The following TOP6BL variants were observed in gnomAD, a reference collection of about 807,000 sequenced individuals.
TOP6BL encodes TOP6B like initiator of meiotic double strand breaks.
chr11:66,760,625 CAAAAAAAAAA>C, the TOP6BL span, among the ~76,000 whole-genome samples: 6 of 54,144 alleles, frequency 1.1e-4, no homozygotes, highest in East Asian at 1.1e-3. Context: ...CCCATCTTTA[CAAAAAAAAAA>C]AAAAAAAAAA....
the TOP6BL span, chr11:66,758,342 C>G: frequency 9.8e-6 from 1 of 102,026 alleles, no homozygotes; most frequent in East Asian, 3.8e-4. Context: ...GACGGAGTCT[C>G]GCTCTGTCGC....
chr11:66,767,386 T>G, the TOP6BL span, among the ~76,000 whole-genome samples: 1 of 152,206 alleles, frequency 6.6e-6, no homozygotes, highest in African/African-American at 2.4e-5. Context: ...TTTGCTCAGC[T>G]CTGCTTCCTA....
chr11:66,758,302 C>CTTCTTTTT, the TOP6BL span: 1 of 67,318 alleles, frequency 1.5e-5, no homozygotes, highest in Admixed American at 2.2e-4. Flanking sequence ...TTTTCTTTTT[C>CTTCTTTTT]TTTTTTTTTT....
At chr11:66,838,318 C>A in the TOP6BL span, 1 of 1,536,014 alleles carries the variant, frequency 6.5e-7, no homozygotes, top group Non-Finnish European at 9.0e-7. Context: ...TTCACTAGGG[C>A]TCGTTCATGT....
the TOP6BL span, chr11:66,744,926 C>T: frequency 1.6e-6 from 2 of 1,253,480 alleles, no homozygotes; most frequent in Non-Finnish European, 2.0e-6. Flanking sequence ...CGAGGTGATG[C>T]TGGGAAGGGA....
At chr11:66,750,649 A>C in the TOP6BL span, among the ~76,000 whole-genome samples, 1 of 151,802 alleles carries the variant, frequency 6.6e-6, no homozygotes, top group African/African-American at 2.4e-5. Flanking sequence ...AACTCTGTTA[A>C]TTGATTATTT....
chr11:66,822,426 G>A, the TOP6BL span: 1 of 618,056 alleles, frequency 1.6e-6, no homozygotes, highest in Non-Finnish European at 2.9e-6. Context: ...AAATATGTGA[G>A]GATCTCAGTA....
the TOP6BL span, chr11:66,822,571 A>AG: frequency 1.3e-6 from 2 of 1,549,284 alleles, no homozygotes; most frequent in Non-Finnish European, 1.7e-6. Flanking sequence ...CAGGCTCAGC[A>AG]GAAACTACAG....
At chr11:66,750,799 A>G in the TOP6BL span, among the ~76,000 whole-genome samples, 1 of 151,688 alleles carries the variant, frequency 6.6e-6, no homozygotes, top group Non-Finnish European at 1.5e-5. Context: ...GCCTGGGCTC[A>G]AATGATCCTC....
At chr11:66,816,165 C>T in the TOP6BL span, 5 of 1,609,044 alleles carry the variant, frequency 3.1e-6, no homozygotes, top group Admixed American at 3.4e-5. Context: ...TGGATTTCCA[C>T]AGTGCATTTC....
At chr11:66,843,138 G>T in the TOP6BL span, 365 of 1,608,744 alleles carry the variant, frequency 2.3e-4, no homozygotes, top group Middle Eastern at 3.6e-4. Flanking sequence ...CTGCTGAGAG[G>T]TCCTCACCCC....
chr11:66,816,948 G>A, the TOP6BL span, among the ~76,000 whole-genome samples: 1 of 152,000 alleles, frequency 6.6e-6, no homozygotes, highest in Non-Finnish European at 1.5e-5. Flanking sequence ...GCAGCCAGGA[G>A]TTCAAGGCCA....
chr11:66,761,573 C>T, the TOP6BL span: 2 of 1,134,860 alleles, frequency 1.8e-6, no homozygotes. Flanking sequence ...TGTCTGTCTG[C>T]TCTACTGGCT....
chr11:66,843,116 G>A, the TOP6BL span: 1 of 1,601,540 alleles, frequency 6.2e-7, no homozygotes. Context: ...AGGAGGTGCA[G>A]GCCACGGGCC....
the TOP6BL span, among the ~76,000 whole-genome samples, chr11:66,761,412 AATG>A: frequency 6.6e-6 from 1 of 152,144 alleles, no homozygotes; most frequent in Non-Finnish European, 1.5e-5. Flanking sequence ...AAAAGAAAAA[AATG>A]ATAATAAATG....
At chr11:66,765,995 G>T in the TOP6BL span, among the ~76,000 whole-genome samples, 1 of 152,094 alleles carries the variant, frequency 6.6e-6, no homozygotes, top group African/African-American at 2.4e-5. Context: ...CTTTAAATTG[G>T]TCCATTTACT....
the TOP6BL span, among the ~76,000 whole-genome samples, chr11:66,777,893 T>C: frequency 6.6e-6 from 1 of 152,158 alleles, no homozygotes; most frequent in South Asian, 2.1e-4. Context: ...TTGTGTCTTG[T>C]AATGCTAACA....
chr11:66,794,176 G>C, the TOP6BL span, among the ~76,000 whole-genome samples: 1 of 147,064 alleles, frequency 6.8e-6, no homozygotes. Context: ...TTCTATATTT[G>C]CATGTTTCTT....
the TOP6BL span, among the ~76,000 whole-genome samples, chr11:66,767,503 ATTATTT>A: frequency 1.3e-5 from 2 of 152,144 alleles, no homozygotes; most frequent in Non-Finnish European, 2.9e-5. Context: ...TTCTATTCAT[ATTATTT>A]TTATTTTTGT....
Sources: allele counts gnomAD v4.1 joint callset (sites outside exome capture counted in the v4.1 genomes callset), GRCh38; gene constraint gnomAD v4.1.1; transcripts MANE v1.5; gene names NCBI Gene and HGNC (gene_info 2026-07-23, HGNC 2026-07-21).